Variants in TICRR observed in about 807,000 individuals in gnomAD.
TICRR encodes the protein TOPBP1 interacting checkpoint and replication regulator, also known as treslin.
TICRR carries 132 observed loss-of-function variants against 178.1 expected under a neutral mutation model. That is an observed-to-expected ratio of 0.74 (90% CI 0.64 to 0.86). The LOEUF is 0.86. Ranked by LOEUF, TICRR falls within the 40% of genes least tolerant of loss-of-function variation. The probability of loss-of-function intolerance (pLI) is 0.00; values close to 1 mark genes in which losing one functional copy is unlikely to be tolerated. For synonymous variants in TICRR, 991 were observed against 900.7 expected (o/e 1.10, Z -1.79); for missense variants, 2,587 against 2,334.3 (o/e 1.11, Z -2.23).
chr15:89,602,894 TA>T lies in TICRR; in HGVS notation c.2664+4del. The T allele has an allele frequency of 6.7e-7, 1 of 1,492,070 alleles. No individual in the cohort carries two copies. The highest frequency in any genetic ancestry group is 9.0e-7 in the Non-Finnish European group (1 of 1,116,378). 92.4% of individuals were successfully genotyped at this position (1,492,070 alleles called of 1,614,324 possible). A position where few individuals can be genotyped will look rare whatever the true frequency, so the allele number is the denominator to read the frequency against. The stretch of plus-strand genomic sequence containing the variant: ...GTGTCAAAGAGAGCTACGAAAAAAG[TA>T]AGTAAACCTTCCAGCTTGAGATGAC... On this transcript the variant is annotated splice_donor_region_variant and intron_variant, in intron 13 of 21. Coordinates refer to ENST00000268138, the MANE Select transcript of TICRR (RefSeq NM_152259.4).
intron 8 of TICRR, 101 bp downstream of exon 8, chr15:89,599,576 T>C: frequency 8.4e-7 from 1 of 1,186,944 alleles, no homozygotes; most frequent in Non-Finnish European, 1.2e-6. Context: ...TGTTATGTCA[T>C]ATGTGATTCA....
chr15:89,627,088 C>CACAA lies in TICRR; in HGVS notation c.*6_*9dup, dbSNP rs779726741. On this transcript the variant is annotated 3_prime_UTR_variant, in exon 22 of 22. Transcript: ENST00000268138. The stretch of plus-strand genomic sequence containing the variant: ...GGAACCTGGCTGGAGGACTTATAGC[C>CACAA]ACAAACATTACTGAGCCCAAAAGAT... The CACAA allele has an allele frequency of 9.3e-6, 15 of 1,613,828 alleles. No homozygotes were observed. Among genetic ancestry groups the CACAA allele is most frequent in the Non-Finnish European group, 1.3e-5 (15 of 1,180,048 alleles).
At position 89,590,105 on chromosome 15, in the gene TICRR, CAG is replaced by C. The variant is rs370375847; in HGVS notation, c.1412-1941_1412-1940del. 1.3e-3 allele frequency among the ~76,000 whole-genome samples: 200 copies of C among 152,124 alleles called. 1 individual carries two copies. The highest frequency in any genetic ancestry group is 4.6e-3 in the African/African-American group (190 of 41,492). On this transcript the variant is annotated intron_variant, in intron 4 of 21. Transcript: ENST00000268138. ...GGTTGAGGCTGTGGTATTATGGAGA[CAG>C]GGGCCAATGACAAAGATAGGGAACT...
chr15:89,626,848 A>G, intron 21 of TICRR, 108 bp from the exon 22 acceptor site: 1 of 1,280,564 alleles, frequency 7.8e-7, no homozygotes, highest in Non-Finnish European at 1.1e-6. Flanking sequence ...AGCAGTGCTG[A>G]TTTTCTTAAA....
intron 12 of TICRR, among the ~76,000 whole-genome samples, chr15:89,602,449 G>C (rs755060274): frequency 6.6e-6 from 1 of 152,066 alleles, no homozygotes; most frequent in Non-Finnish European, 1.5e-5. Context: ...CATATATGCA[G>C]TTCGTCATTG....
intron 17 of TICRR, among the ~76,000 whole-genome samples, chr15:89,618,693 G>T (rs1219985522): frequency 6.6e-6 from 1 of 152,208 alleles, no homozygotes; most frequent in African/African-American, 2.4e-5. Context: ...AGGTGTGGTG[G>T]TTCACGCCTG....
chr15:89,582,565 T>C lies in TICRR; in HGVS notation c.655-121T>C, dbSNP rs75652548. The C allele has an allele frequency of 5.1e-3, 4,527 of 888,096 alleles. 154 individuals carry two copies. In the African/African-American group the frequency reaches 0.068, roughly 13 times the overall value. The allele number at this position is 888,096 out of a possible 1,614,324, so 55.0% of individuals were successfully genotyped here. On this transcript the variant is annotated intron_variant, in intron 1 of 21. Transcript: ENST00000268138. ...ATTTCTATTTAGCTCAGCAAATACA[T>C]TGGTTGTGTAATTCGATCCTTTAAT...
intron 4 of TICRR, among the ~76,000 whole-genome samples, chr15:89,586,302 A>G (rs1360091797): frequency 1.3e-5 from 2 of 152,224 alleles, no homozygotes; most frequent in Non-Finnish European, 2.9e-5. Context: ...TAAGGTTTGT[A>G]TCATGTTAGT....
In TICRR at chr15:89,575,470, G is replaced by A. The variant is rs1962591530; in HGVS notation, c.-117G>A. On this transcript the variant is annotated 5_prime_UTR_variant, in exon 1 of 22. Transcript: ENST00000268138. Reference sequence around the variant, plus strand: ...GCAGCAGTTCCTGGAGAGCGCGGGAGCCTTTCGACCAGGGTCCCAAAGGAA... The same window carrying A: ...GCAGCAGTTCCTGGAGAGCGCGGGAACCTTTCGACCAGGGTCCCAAAGGAA... 2 of 1,031,938 alleles carry A rather than the reference G, an allele frequency of 1.9e-6. No homozygotes were observed. Among genetic ancestry groups the A allele is most frequent in the Non-Finnish European group, 2.7e-6 (2 of 751,098 alleles). 63.9% of individuals were successfully genotyped at this position (1,031,938 alleles called of 1,614,324 possible).
intron 4 of TICRR, among the ~76,000 whole-genome samples, chr15:89,587,538 G>C (rs1380322845): frequency 6.6e-6 from 1 of 152,112 alleles, no homozygotes; most frequent in Non-Finnish European, 1.5e-5. Context: ...GGAGACAAAA[G>C]GGGGACAGTC....
At chr15:89,583,328 A>G (rs1431978180) in intron 2 of TICRR, among the ~76,000 whole-genome samples, 1 of 152,234 alleles carries the variant, frequency 6.6e-6, no homozygotes, top group Admixed American at 6.5e-5. Flanking sequence ...ATGGTCGACT[A>G]AAAGAAGAAA....
intron 1 of TICRR, among the ~76,000 whole-genome samples, chr15:89,581,588 C>G (rs1033650380): frequency 5.3e-5 from 8 of 152,118 alleles, no homozygotes; most frequent in Admixed American, 1.3e-4. Context: ...ACAGGGAAGC[C>G]TTAAAATATG....
At chr15:89,580,541 G>T (rs1486471354) in intron 1 of TICRR, among the ~76,000 whole-genome samples, 1 of 152,076 alleles carries the variant, frequency 6.6e-6, no homozygotes, top group Non-Finnish European at 1.5e-5. Context: ...CTAATTAATT[G>T]GTTAATCTAA....
At position 89,624,033 on chromosome 15, in the gene TICRR, C is replaced by A; in HGVS notation, c.3723C>A (p.Leu1241=). The A allele has an allele frequency of 6.2e-7, 1 of 1,614,024 alleles. No homozygotes were observed. The highest frequency in any genetic ancestry group is 1.6e-4 in the Middle Eastern group (1 of 6,062). ...SSTAQPRREC[L]TPIRDPLRTP... is the part of the protein sequence containing the mutation. ...CTGCCCAGCCCAGGAGAGAGTGTCT[C>A]ACTCCCATCAGAGACCCTCTCAGAA... Residue 1241 remains leucine, a synonymous_variant, in exon 20 of 22, where the codon CTC becomes CTA. Transcript: ENST00000268138.
At chr15:89,590,735 A>G (rs944106741) in intron 4 of TICRR, among the ~76,000 whole-genome samples, 1 of 152,006 alleles carries the variant, frequency 6.6e-6, no homozygotes, top group African/African-American at 2.4e-5. Flanking sequence ...GAGTGGATCT[A>G]CTCTTCCTAT....
rs200621044 is a variant in TICRR at position 89,624,063 on chromosome 15, T to A, written c.3753T>A (p.Pro1251=). 23 of 1,612,934 alleles carry A rather than the reference T, an allele frequency of 1.4e-5. No homozygotes were observed. The African/African-American group carries it at 2.5e-4, about 18-fold the overall frequency. The change falls in exon 20 of 22, where the codon CCT becomes CCA. Residue 1251 remains proline (P), a synonymous_variant. Coordinates refer to ENST00000268138, the MANE Select transcript of TICRR (RefSeq NM_152259.4). Reference sequence around the variant, plus strand: ...CCATCAGAGACCCTCTCAGAACACCTCCGAGAGCAGCAGCCTTCATGGGCA... The same window carrying A: ...CCATCAGAGACCCTCTCAGAACACCACCGAGAGCAGCAGCCTTCATGGGCA... ...LTPIRDPLRT[P]PRAAAFMGTP...
intron 5 of TICRR, among the ~76,000 whole-genome samples, chr15:89,592,765 A>C (rs925603967): frequency 2.0e-5 from 3 of 152,242 alleles, no homozygotes; most frequent in Non-Finnish European, 2.9e-5. Flanking sequence ...AGAAATGTAA[A>C]CGATATGGCA....
Position 89,575,508 on chromosome 15 carries a change from T to C in TICRR, c.-79T>C. 1 of 1,328,446 alleles carries C rather than the reference T, an allele frequency of 7.5e-7. No individual in the cohort carries two copies. Among genetic ancestry groups the C allele is most frequent in the African/African-American group, 1.5e-5 (1 of 65,582 alleles). 82.3% of individuals were successfully genotyped at this position (1,328,446 alleles called of 1,614,324 possible). On this transcript the variant is annotated 5_prime_UTR_variant, in exon 1 of 22. Coordinates refer to ENST00000268138, the MANE Select transcript of TICRR (RefSeq NM_152259.4). ...GGTCCCAAAGGAAAGCAGTGAGTGG[T>C]GCTGTTTCCCTGAAGGAAGGGACTA... is the stretch of plus-strand genomic sequence containing the variant.
In TICRR at chr15:89,625,465, G is replaced by A. The variant is rs1357845110; in HGVS notation, c.5155G>A (p.Glu1719Lys). The change falls in exon 20 of 22, where the codon GAG (glutamate) becomes AAG (lysine). Residue 1719 changes from glutamate (E) to lysine (K), a missense_variant. By Grantham distance (56) the Glu-to-Lys change is moderately conservative. Coordinates refer to ENST00000268138, the MANE Select transcript of TICRR (RefSeq NM_152259.4). ...LPGSLSLLESEGKDHGLELSI... is the reference protein window; with the variant it reads ...LPGSLSLLESKGKDHGLELSI... ...TGGGAGCCTGTCACTGCTTGAGTCAGAGGGCAAGGACCACGGCCTTGAACT... is the reference window on the plus strand; with the variant it reads ...TGGGAGCCTGTCACTGCTTGAGTCAAAGGGCAAGGACCACGGCCTTGAACT... 1.9e-6 allele frequency: 3 copies of A among 1,613,942 alleles called. No individual in the cohort carries two copies. The highest frequency in any genetic ancestry group is 1.7e-5 in the Admixed American group (1 of 60,028).
Sources: gnomAD v4.1 joint callset for allele counts (sites outside exome capture counted in the v4.1 genomes callset) on GRCh38, gnomAD v4.1.1 for gene constraint, MANE v1.5 for transcripts, NCBI Gene and HGNC (gene_info 2026-07-23, HGNC 2026-07-21) for gene names.